The following RNASE10 variants were observed in gnomAD, a reference collection of about 807,000 sequenced individuals.
The protein encoded by RNASE10 is ribonuclease A family member 10 (inactive), also known as inactive ribonuclease-like protein 10.
Under a neutral mutation model 1.1 loss-of-function variants are expected in RNASE10, and 2 were observed. The observed-to-expected ratio is 1.82, with a 90% CI of 0.74 to 5.73. RNASE10 has a LOEUF of 5.73. Ranked by LOEUF, RNASE10 falls within the 30% of genes most tolerant of loss-of-function variation. The pLI is 0.05. For synonymous variants in RNASE10, 97 were observed against 96.2 expected (o/e 1.01, Z -0.05); for missense variants, 276 against 263.4 (o/e 1.05, Z -0.33).
upstream of RNASE10, among the ~76,000 whole-genome samples, chr14:20,505,310 CT>C (rs2139362777): frequency 1.3e-5 from 1 of 79,392 alleles, no homozygotes; most frequent in South Asian, 6.0e-4. Context: ...CCCTCTCCCT[CT>C]CCCTCTCCCT....
At chr14:20,507,813 T>A (rs1471217376) in intron 1 of RNASE10, among the ~76,000 whole-genome samples, 1 of 151,892 alleles carries the variant, frequency 6.6e-6, no homozygotes, top group African/African-American at 2.4e-5. Context: ...AGCAGTTGGA[T>A]CATGGCTCAC....
exon 1 of RNASE10, chr14:20,505,856 T>C (rs1882689571): frequency 1.2e-5 from 1 of 82,144 alleles, no homozygotes; most frequent in Non-Finnish European, 2.2e-5. Flanking sequence ...CGCCATCCCA[T>C]CTAGGAAGCG....
intron 1 of RNASE10, among the ~76,000 whole-genome samples, chr14:20,507,175 G>T (rs1466195652): frequency 2.1e-5 from 3 of 143,846 alleles, no homozygotes; most frequent in Admixed American, 2.1e-4. Context: ...ATAGAAAGGC[G>T]GGAAGGGTGG....
intron 1 of RNASE10, among the ~76,000 whole-genome samples, chr14:20,509,157 C>G (rs1239366412): frequency 6.6e-6 from 1 of 152,250 alleles, no homozygotes; most frequent in Admixed American, 6.5e-5. Flanking sequence ...TCAAGCAATT[C>G]TCGTGTCTCA....
chr14:20,506,812 TG>T (rs1882743869), intron 1 of RNASE10, among the ~76,000 whole-genome samples: 1 of 84,638 alleles, frequency 1.2e-5, no homozygotes, highest in East Asian at 3.6e-4. Flanking sequence ...GGGAGGGAGG[TG>T]GGGGGATCAG....
exon 2 of RNASE10, chr14:20,511,148 C>T (rs758686406): frequency 4.2e-6 from 6 of 1,432,300 alleles, no homozygotes; most frequent in Non-Finnish European, 5.6e-6. Context: ...TTTTTCTCTT[C>T]ACCTTCTCCT....
At chr14:20,513,846 A>ACCG (rs1228087751), downstream of RNASE10, among the ~76,000 whole-genome samples, 1 of 152,230 alleles carries the variant, frequency 6.6e-6, no homozygotes, top group Non-Finnish European at 1.5e-5. Flanking sequence ...TATACTATTT[A>ACCG]ATTAGCCTTA....
At chr14:20,506,311 T>TG (rs377620910) in intron 1 of RNASE10, among the ~76,000 whole-genome samples, 4 of 81,560 alleles carry the variant, frequency 4.9e-5, no homozygotes, top group African/African-American at 1.1e-4. Flanking sequence ...GGGAGGGAGG[T>TG]GGGGGGGGTC....
chr14:20,509,027 T>C (rs1459428500), intron 1 of RNASE10, among the ~76,000 whole-genome samples: 2 of 152,188 alleles, frequency 1.3e-5, no homozygotes, highest in Non-Finnish European at 2.9e-5. Flanking sequence ...GGGATGAGAC[T>C]GGCCTAGCAA....
At chr14:20,506,505 C>T (rs1882724430) in intron 1 of RNASE10, among the ~76,000 whole-genome samples, 2 of 131,224 alleles carry the variant, frequency 1.5e-5, no homozygotes, top group African/African-American at 6.0e-5. Context: ...GGTCAGCCCC[C>T]CGCCCGGCCA....
At chr14:20,511,194 A>G, downstream of RNASE10, 1 of 1,192,506 alleles carries the variant, frequency 8.4e-7, no homozygotes, top group South Asian at 2.0e-5. Flanking sequence ...TTTCTCATAT[A>G]GTTCTCCTGA....
downstream of RNASE10, among the ~76,000 whole-genome samples, chr14:20,513,175 T>G (rs570413465): frequency 1.7e-3 from 266 of 152,314 alleles, 1 homozygote; most frequent in Admixed American, 3.2e-3. Flanking sequence ...GTCTTCACTT[T>G]GGGCAAATCT....
chr14:20,511,278 G>C, downstream of RNASE10: 1 of 543,342 alleles, frequency 1.8e-6, no homozygotes. Flanking sequence ...CCTAGGATTA[G>C]AGATGGTAGG....
upstream of RNASE10, among the ~76,000 whole-genome samples, chr14:20,504,683 G>T (rs1186220829): frequency 2.9e-5 from 1 of 34,546 alleles, no homozygotes; most frequent in Non-Finnish European, 4.8e-5. Flanking sequence ...GAGAGACTCC[G>T]TCTCAAAAAA....
At chr14:20,510,367 C>T (rs989154450) in intron 1 of RNASE10, 100 bp from the exon 2 acceptor site, 41 of 1,501,316 alleles carry the variant, frequency 2.7e-5, no homozygotes, top group African/African-American at 5.6e-5. Context: ...ACACAGGAGA[C>T]CCCAGATACA....
At position 20,508,399 on chromosome 14, in the gene RNASE10, ACCGTCTCACT is replaced by A. The variant is rs534668359; in HGVS notation, c.80-2065_80-2056del. Among the ~76,000 whole-genome samples, 9 of 152,250 alleles carry A rather than the reference ACCGTCTCACT, an allele frequency of 5.9e-5. No homozygotes were observed. In the East Asian group the frequency reaches 1.5e-3, roughly 26 times the overall value. On this transcript the variant is annotated intron_variant, in intron 1 of 1. Coordinates refer to ENST00000430083, the Ensembl canonical transcript of RNASE10. ...TCTGAGTAATGTGATGAAATCTCTC[ACCGTCTCACT>A]CCATCCTGCCTGGGATGTGAACCAT...
intron 1 of RNASE10, among the ~76,000 whole-genome samples, chr14:20,506,221 CCGGGAGG>C: frequency 7.6e-6 from 1 of 132,328 alleles, no homozygotes; most frequent in Non-Finnish European, 1.7e-5. Flanking sequence ...GCCGCCCCGT[CCGGGAGG>C]TGAGGGGCTC....
Position 20,510,980 on chromosome 14 carries a change from C to T in RNASE10, c.593C>T (p.Ser198Phe), listed in dbSNP as rs772120434. ...AAGGGGGGAAAATGTCACAAAAGCT[C>T]CCGACCTTTTGATTTGACATTGTGC... The change falls in exon 2 of 2, where the codon TCC (serine) becomes TTC (phenylalanine). Residue 198 changes from serine (S) to phenylalanine (F), a missense_variant. By Grantham distance (155) the Ser-to-Phe change is radical. Coordinates refer to ENST00000430083, the Ensembl canonical transcript of RNASE10. The T allele has an allele frequency of 3.1e-6, 5 of 1,602,420 alleles. No homozygotes were observed. The South Asian group carries it at 4.5e-5, about 14-fold the overall frequency.
chr14:20,505,326 C>A (rs1313316906), upstream of RNASE10, among the ~76,000 whole-genome samples: 1 of 87,550 alleles, frequency 1.1e-5, no homozygotes, highest in African/African-American at 5.1e-5. Flanking sequence ...CTCCCTCTCC[C>A]TCCACGGTCT....
Sources: gnomAD v4.1 joint callset for allele counts (sites outside exome capture counted in the v4.1 genomes callset) on GRCh38, gnomAD v4.1.1 for gene constraint, MANE v1.5 for transcripts, NCBI Gene and HGNC (gene_info 2026-07-23, HGNC 2026-07-21) for gene names.